EYS: variants seen among roughly 807,000 people sequenced by gnomAD.
The protein encoded by EYS is protein eyes shut homolog.
A neutral mutation model predicts 282.1 loss-of-function variants in EYS; 250 were observed. The observed-to-expected ratio is 0.89, with a 90% CI of 0.80 to 0.98. EYS has a LOEUF of 0.98. Ranked by LOEUF, EYS falls within the 50% of genes least tolerant of loss-of-function variation. The probability of loss-of-function intolerance (pLI) is 0.00; values close to 1 mark genes in which losing one functional copy is unlikely to be tolerated. For synonymous variants in EYS, 1,355 were observed against 1,282.9 expected (o/e 1.06, Z -1.20); for missense variants, 4,016 against 3,709.0 (o/e 1.08, Z -2.15).
At chr6:64,229,090 C>T (rs1046958127) in intron 31 of EYS, among the ~76,000 whole-genome samples, 9 of 152,156 alleles carry the variant, frequency 5.9e-5, no homozygotes, top group East Asian at 3.9e-4. Flanking sequence ...TCCTGGCTAA[C>T]GTGGTGAAAT....
At chr6:64,484,374 T>C (rs1183582191) in intron 26 of EYS, among the ~76,000 whole-genome samples, 2 of 150,354 alleles carry the variant, frequency 1.3e-5, no homozygotes, top group Non-Finnish European at 3.0e-5. Context: ...AAAAAAAAAG[T>C]AGCTGTTGCA....
At chr6:64,584,534 C>A (rs1275177669) in intron 26 of EYS, among the ~76,000 whole-genome samples, 2 of 151,766 alleles carry the variant, frequency 1.3e-5, no homozygotes, top group African/African-American at 2.4e-5. Flanking sequence ...CAATAGAGTG[C>A]CTCCACTGTG....
At chr6:63,899,985 G>T (rs904064095) in intron 35 of EYS, among the ~76,000 whole-genome samples, 10 of 152,168 alleles carry the variant, frequency 6.6e-5, no homozygotes, top group African/African-American at 2.4e-4. Flanking sequence ...ATTTTTCAGT[G>T]AAAGGACACC....
chr6:65,598,189 G>A (rs1051677942), intron 2 of EYS, among the ~76,000 whole-genome samples: 3 of 149,822 alleles, frequency 2.0e-5, no homozygotes, highest in South Asian at 2.1e-4. Context: ...TTCTACCACA[G>A]GGTGGTAGTA....
chr6:63,786,868 T>C (rs1255178912), intron 39 of EYS, among the ~76,000 whole-genome samples: 1 of 152,116 alleles, frequency 6.6e-6, no homozygotes, highest in Non-Finnish European at 1.5e-5. Flanking sequence ...TCAGAACCAG[T>C]AGAGATCAGC....
chr6:64,721,575 C>CA (rs1005105698), intron 22 of EYS, among the ~76,000 whole-genome samples: 1 of 152,020 alleles, frequency 6.6e-6, no homozygotes, highest in African/African-American at 2.4e-5. Context: ...CCCCTTTCTT[C>CA]AAAAAACTTA....
In EYS at chr6:64,083,840, C is replaced by T. The variant is rs185841047; in HGVS notation, c.6425-1838G>A. 2.1e-3 allele frequency among the ~76,000 whole-genome samples: 321 copies of T among 152,270 alleles called. 1 individual carries two copies. The highest frequency in any genetic ancestry group is 3.4e-3 in the Non-Finnish European group (229 of 68,018). On this transcript the variant is annotated intron_variant, in intron 31 of 42. Coordinates refer to ENST00000503581, the MANE Select transcript of EYS (RefSeq NM_001142800.2). ...GCAACCTCCACCTCCCGGCTTCAAG[C>T]GATTCTCCTGCCTCAGCCTCCTGAG...
chr6:64,756,773 A>C (rs1772949691), intron 22 of EYS, among the ~76,000 whole-genome samples: 2 of 152,188 alleles, frequency 1.3e-5, no homozygotes, highest in Admixed American at 1.3e-4. Context: ...TTTGAATCAT[A>C]AGTGTAGAAA....
intron 18 of EYS, among the ~76,000 whole-genome samples, chr6:64,888,590 C>G (rs143132203): frequency 6.6e-6 from 1 of 152,034 alleles, no homozygotes; most frequent in Non-Finnish European, 1.5e-5. Flanking sequence ...TTCCCAAGAG[C>G]TCTTCATGTG....
rs570625382 is a variant in EYS, at chr6:64,613,806, G to A, written c.3684+3612C>T. Among the ~76,000 whole-genome samples the A allele has an allele frequency of 2.0e-5, 3 of 152,230 alleles. No homozygotes were observed. In the East Asian group the frequency reaches 5.8e-4, roughly 29 times the overall value. ...CTACAGGGTTCTCACAGTGAGGTTT[G>A]GAGAAAAATCCCCTCATGCTTCCAG... On this transcript the variant is annotated intron_variant, in intron 24 of 42. Coordinates refer to ENST00000503581, the MANE Select transcript of EYS (RefSeq NM_001142800.2).
intron 12 of EYS, among the ~76,000 whole-genome samples, chr6:65,141,762 G>A (rs927858015): frequency 1.4e-5 from 2 of 138,304 alleles, no homozygotes; most frequent in South Asian, 2.2e-4. Context: ...CTCATCAGAA[G>A]TTCGGGGGCA....
At chr6:65,077,011 C>G (rs1774074662) in intron 12 of EYS, among the ~76,000 whole-genome samples, 1 of 151,892 alleles carries the variant, frequency 6.6e-6, no homozygotes, top group Admixed American at 6.6e-5. Context: ...ATAGTACACA[C>G]TAAACTAAAG....
chr6:64,585,831 AG>A (rs1384950498), intron 26 of EYS, among the ~76,000 whole-genome samples: 8 of 152,068 alleles, frequency 5.3e-5, no homozygotes, highest in African/African-American at 1.9e-4. Flanking sequence ...ATAAGTTCTA[AG>A]TATTATCTTA....
At chr6:64,278,188 C>T (rs1336126009) in intron 30 of EYS, among the ~76,000 whole-genome samples, 1 of 152,074 alleles carries the variant, frequency 6.6e-6, no homozygotes, top group East Asian at 1.9e-4. Context: ...GAATGACCAC[C>T]TGTCAAAGAT....
intron 13 of EYS, among the ~76,000 whole-genome samples, chr6:65,031,709 A>G (rs1349585409): frequency 6.6e-6 from 1 of 152,172 alleles, no homozygotes; most frequent in African/African-American, 2.4e-5. Flanking sequence ...ATTTACCAGA[A>G]TCTCTGGGAC....
chr6:64,013,212 C>T (rs1391872168), intron 33 of EYS, among the ~76,000 whole-genome samples: 1 of 152,122 alleles, frequency 6.6e-6, no homozygotes, highest in Non-Finnish European at 1.5e-5. Flanking sequence ...TACAACCAGC[C>T]ATCACGAGAT....
intron 2 of EYS, among the ~76,000 whole-genome samples, chr6:65,524,400 C>T (rs1263430622): frequency 1.3e-5 from 2 of 152,142 alleles, no homozygotes; most frequent in Non-Finnish European, 2.9e-5. Context: ...AGGAAGTAAG[C>T]ATTTTGCTAC....
At chr6:63,762,271 T>G (rs1055321056) in intron 41 of EYS, among the ~76,000 whole-genome samples, 190 bp downstream of exon 41, 4 of 152,068 alleles carry the variant, frequency 2.6e-5, no homozygotes, top group African/African-American at 9.7e-5. Flanking sequence ...AAAGCCATAT[T>G]TTTTGTACTA....
intron 13 of EYS, among the ~76,000 whole-genome samples, chr6:65,028,107 A>G (rs1453258063): frequency 6.6e-6 from 1 of 152,014 alleles, no homozygotes; most frequent in Non-Finnish European, 1.5e-5. Context: ...TTTTTATCTT[A>G]CTAAGAGGTG....
Sources: allele counts gnomAD v4.1 joint callset (sites outside exome capture counted in the v4.1 genomes callset), GRCh38; gene constraint gnomAD v4.1.1; transcripts MANE v1.5; gene names NCBI Gene and HGNC (gene_info 2026-07-23, HGNC 2026-07-21).